The following AAK1 variants were observed in gnomAD, a reference collection of about 807,000 sequenced individuals.
The protein encoded by AAK1 is AP2 associated kinase 1.
In AAK1, 37 loss-of-function variants were observed where a neutral mutation model predicts 116.0. The observed-to-expected ratio is 0.32, with a 90% CI of 0.25 to 0.42. AAK1 has a LOEUF of 0.42. Ranked by LOEUF, AAK1 falls within the 10% of genes least tolerant of loss-of-function variation. The pLI, the probability that AAK1 is intolerant of heterozygous loss-of-function variation, is 1.00. For synonymous variants in AAK1, 458 were observed against 439.9 expected (o/e 1.04, Z -0.51); for missense variants, 919 against 1,170.6 (o/e 0.79, Z 3.14).
intron 2 of AAK1, among the ~76,000 whole-genome samples, chr2:69,564,769 A>G (rs927370617): frequency 6.6e-6 from 1 of 152,158 alleles, no homozygotes; most frequent in African/African-American, 2.4e-5. Flanking sequence ...CTATCTGACC[A>G]CGTGATTGTA....
intron 16 of AAK1, among the ~76,000 whole-genome samples, 181 bp from the exon 17 acceptor site, chr2:69,496,261 T>G (rs1179189081): frequency 6.7e-6 from 1 of 149,352 alleles, no homozygotes; most frequent in Non-Finnish European, 1.5e-5. Flanking sequence ...TATGAGATAC[T>G]CAATCTGGCC....
intron 2 of AAK1, among the ~76,000 whole-genome samples, chr2:69,625,239 A>G (rs376022525): frequency 7.0e-4 from 107 of 152,352 alleles, no homozygotes; most frequent in African/African-American, 2.6e-3. Context: ...CAGCAGATTA[A>G]AAGCAGCAAA....
At position 69,467,911 on chromosome 2, in the gene AAK1, T is replaced by C. The variant is rs893898564; in HGVS notation, c.*7958A>G. 2.2e-5 allele frequency: 22 copies of C among 985,238 alleles called. No individual in the cohort carries two copies. Among genetic ancestry groups the C allele is most frequent in the Non-Finnish European group, 2.4e-5 (20 of 829,840 alleles). The allele number at this position is 985,238 out of a possible 1,614,324, so 61.0% of individuals were successfully genotyped here. A position where few individuals can be genotyped will look rare whatever the true frequency, so the allele number is the denominator to read the frequency against. Reference sequence around the variant, plus strand: ...AAAAATACTATGTTTCTCTGAATCCTATAACTTTTTAGCAGTGCTTCTTTT... The same window carrying C: ...AAAAATACTATGTTTCTCTGAATCCCATAACTTTTTAGCAGTGCTTCTTTT... On this transcript the variant is annotated 3_prime_UTR_variant, in exon 22 of 22. Coordinates refer to ENST00000409085, the MANE Select transcript of AAK1 (RefSeq NM_014911.5).
At chr2:69,509,122 GTAT>G in intron 14 of AAK1, 106 bp downstream of exon 14, 1 of 863,758 alleles carries the variant, frequency 1.2e-6, no homozygotes, top group Non-Finnish European at 1.8e-6. Context: ...ACACACCACT[GTAT>G]TTGCATTACA....
intron 2 of AAK1, among the ~76,000 whole-genome samples, chr2:69,595,315 C>T (rs576930534): frequency 6.6e-6 from 1 of 152,224 alleles, no homozygotes; most frequent in African/African-American, 2.4e-5. Flanking sequence ...GGGGTTTCAC[C>T]AAGTTGGCTA....
In AAK1 at chr2:69,467,472, G is replaced by A; in HGVS notation, c.*8397C>T. ...GTCATTGGGCACATGTTAGCAAGAGGGCAGGAAAAAGGCATATGTAACTAA... is the reference window on the plus strand; with the variant it reads ...GTCATTGGGCACATGTTAGCAAGAGAGCAGGAAAAAGGCATATGTAACTAA... On this transcript the variant is annotated 3_prime_UTR_variant, in exon 22 of 22. Transcript: ENST00000409085. 3.0e-6 allele frequency: 3 copies of A among 985,312 alleles called. No individual in the cohort carries two copies. The highest frequency in any genetic ancestry group is 3.6e-6 in the Non-Finnish European group (3 of 829,908). The allele number at this position is 985,312 out of a possible 1,614,324, so 61.0% of individuals were successfully genotyped here.
In AAK1 at chr2:69,472,702, T is replaced by C. The variant is rs1674720959; in HGVS notation, c.*3167A>G. 6 of 985,322 alleles carry C rather than the reference T, an allele frequency of 6.1e-6. No homozygotes were observed. Among genetic ancestry groups the C allele is most frequent in the African/African-American group, 1.7e-5 (1 of 57,250 alleles). 61.0% of individuals were successfully genotyped at this position (985,322 alleles called of 1,614,324 possible). On this transcript the variant is annotated 3_prime_UTR_variant, in exon 22 of 22. Coordinates refer to ENST00000409085, the MANE Select transcript of AAK1 (RefSeq NM_014911.5). Reference sequence around the variant, plus strand: ...TGTTTTCTGCTATAGTTACTCCTCTTACATAGCTGGAATAAAAGCAAATCA... The same window carrying C: ...TGTTTTCTGCTATAGTTACTCCTCTCACATAGCTGGAATAAAAGCAAATCA...
rs2104879524 is a variant in AAK1, at chr2:69,474,734, A to T, written c.*1135T>A. 1.0e-6 allele frequency: 1 copy of T among 985,832 alleles called. No homozygotes were observed. The highest frequency in any genetic ancestry group is 1.2e-6 in the Non-Finnish European group (1 of 829,914). The allele number at this position is 985,832 out of a possible 1,614,324, so 61.1% of individuals were successfully genotyped here. ...GACAGAGGACCTGCTGAAAGCTTATAGCACACAAGTCTATTCAAAATGATT... is the reference window on the plus strand; with the variant it reads ...GACAGAGGACCTGCTGAAAGCTTATTGCACACAAGTCTATTCAAAATGATT... On this transcript the variant is annotated 3_prime_UTR_variant, in exon 22 of 22. Transcript: ENST00000409085.
chr2:69,574,207 C>T (rs1438727270), intron 2 of AAK1, among the ~76,000 whole-genome samples: 2 of 151,288 alleles, frequency 1.3e-5, no homozygotes, highest in African/African-American at 4.9e-5. Flanking sequence ...CCCATCTCTA[C>T]TAAAAATACA....
intron 2 of AAK1, among the ~76,000 whole-genome samples, chr2:69,585,582 C>T (rs1672729530): frequency 6.6e-6 from 1 of 152,200 alleles, no homozygotes; most frequent in Non-Finnish European, 1.5e-5. Context: ...CCCTCCTCTC[C>T]AGAGTCCTGT....
chr2:69,588,414 C>T (rs1433019325), intron 2 of AAK1, among the ~76,000 whole-genome samples: 1 of 152,190 alleles, frequency 6.6e-6, no homozygotes, highest in African/African-American at 2.4e-5. Flanking sequence ...TTGTCACGGA[C>T]ATCAGTTTCC....
intron 2 of AAK1, among the ~76,000 whole-genome samples, chr2:69,619,608 C>A (rs1234160664): frequency 1.3e-5 from 2 of 152,070 alleles, no homozygotes; most frequent in Non-Finnish European, 2.9e-5. Flanking sequence ...TATAGCAGAG[C>A]CAAAGCAGGG....
rs753051900 is a variant in AAK1 at position 69,479,071 on chromosome 2, G to A, written c.2570-10C>T. The A allele has an allele frequency of 6.4e-7, 1 of 1,570,636 alleles. No homozygotes were observed. Among genetic ancestry groups the A allele is most frequent in the Non-Finnish European group, 8.8e-7 (1 of 1,140,678 alleles). On this transcript the variant is annotated splice_polypyrimidine_tract_variant and intron_variant, in intron 19 of 21. Transcript: ENST00000409085. ...TCCCCGGTGAGAGAATCTGAGTCCA[G>A]ATTAACAGCATCCCAGGTCAGTGAT... is the stretch of plus-strand genomic sequence containing the variant.
intron 2 of AAK1, among the ~76,000 whole-genome samples, chr2:69,561,198 C>A (rs895171259): frequency 1.3e-5 from 2 of 152,184 alleles, no homozygotes; most frequent in African/African-American, 4.8e-5. Flanking sequence ...TATGTCTGAT[C>A]TAGTCTAACA....
chr2:69,600,248 A>G (rs1437031166), intron 2 of AAK1, among the ~76,000 whole-genome samples: 5 of 152,100 alleles, frequency 3.3e-5, no homozygotes, highest in African/African-American at 1.2e-4. Flanking sequence ...TGAGTTGAAA[A>G]GAGAAGACTG....
chr2:69,507,608 A>G, intron 14 of AAK1, 30 bp from the exon 15 acceptor site: 1 of 1,528,876 alleles, frequency 6.5e-7, no homozygotes, highest in Non-Finnish European at 8.8e-7. Flanking sequence ...CACGAAACAA[A>G]AAGATATAAA....
At chr2:69,557,452 C>T (rs1005838986) in intron 2 of AAK1, among the ~76,000 whole-genome samples, 46 of 152,048 alleles carry the variant, frequency 3.0e-4, no homozygotes, top group Admixed American at 2.9e-3. Flanking sequence ...CAGGTGTACA[C>T]CACCACTCCT....
chr2:69,551,923 C>T (rs955647879), intron 3 of AAK1, among the ~76,000 whole-genome samples: 1 of 152,210 alleles, frequency 6.6e-6, no homozygotes, highest in Non-Finnish European at 1.5e-5. Context: ...TTGGATGCAA[C>T]GTGCCCGTTG....
chr2:69,487,275 G>C (rs779239051), intron 17 of AAK1, among the ~76,000 whole-genome samples: 1 of 152,192 alleles, frequency 6.6e-6, no homozygotes, highest in South Asian at 2.1e-4. Context: ...ATGGAGCCTG[G>C]AGGCCTTCCA....
Sources: gnomAD v4.1 joint callset for allele counts (sites outside exome capture counted in the v4.1 genomes callset) on GRCh38, gnomAD v4.1.1 for gene constraint, MANE v1.5 for transcripts, NCBI Gene and HGNC (gene_info 2026-07-23, HGNC 2026-07-21) for gene names.